Variants in KRT86 observed in about 807,000 individuals in gnomAD.
The protein encoded by KRT86 is keratin 86.
A neutral mutation model predicts 41.2 loss-of-function variants in KRT86; 30 were observed. The ratio of observed to expected loss-of-function variants is 0.73; its 90% CI spans 0.54 to 0.99. KRT86 has a LOEUF of 0.99. KRT86 is among the 50% of genes least tolerant of loss of function. KRT86 has a pLI of 0.00. For missense variants in KRT86, 561 were observed against 571.4 expected, an observed-to-expected ratio of 0.98 and a Z score of 0.19; for synonymous variants, 238 against 238.1, an observed-to-expected ratio of 1.00 and a Z score of 0.00.
Position 52,301,987 on chromosome 12 carries a change from G to A in KRT86, c.71G>A (p.Arg24His), listed in dbSNP as rs1313116276. The part of the protein sequence containing the change: ...CISACGPRPG[R>H]CCITAAPYRG... ...TCGGCCTGCGGGCCCCGGCCCGGCC[G>A]CTGCTGCATCACCGCCGCCCCCTAC... Residue 24 changes from arginine (R) to histidine (H), a missense_variant, in exon 3 of 11, where the codon CGC becomes CAC. By Grantham distance (29) the Arg-to-His change is conservative (BLOSUM62 0). Around this residue, in one of 3 missense-constraint regions of KRT86, gnomAD observed 164 missense variants for 172.5 expected, o/e 0.95. Coordinates refer to ENST00000423955, the MANE Select transcript of KRT86 (RefSeq NM_001320198.2). 4 of 1,612,996 alleles carry A rather than the reference G, an allele frequency of 2.5e-6. No individual in the cohort carries two copies. The highest frequency in any genetic ancestry group is 3.3e-5 in the Admixed American group (2 of 59,960).
At chr12:52,301,741 T>G (rs1555187472) in intron 2 of KRT86, 172 bp from the exon 3 acceptor site, 1 of 1,308,166 alleles carries the variant, frequency 7.6e-7, no homozygotes, top group Non-Finnish European at 1.1e-6. Flanking sequence ...CGACAGCAGC[T>G]AAACAACCCA....
At chr12:52,291,615 C>T (rs1300253911) in intron 2 of KRT86, 4 of 1,269,220 alleles carry the variant, frequency 3.2e-6, no homozygotes, top group South Asian at 1.4e-5. Flanking sequence ...GGGCAATTTG[C>T]GCTTTATGGG....
At chr12:52,291,441 C>T (rs1324822863) in intron 2 of KRT86, 27 of 1,612,646 alleles carry the variant, frequency 1.7e-5, no homozygotes, top group Non-Finnish European at 2.2e-5. Context: ...AAGGCGCGCC[C>T]ACCAAATCCT....
intron 2 of KRT86, among the ~76,000 whole-genome samples, chr12:52,288,822 T>TC (rs1163209516): frequency 5.9e-5 from 9 of 151,794 alleles, no homozygotes; most frequent in South Asian, 2.1e-4. Context: ...TTCTTCTCCA[T>TC]CCCCCCTTAG....
rs199724105 is a variant in KRT86, at chr12:52,305,366, C to T, written c.862C>T (p.Arg288Cys). 237 of 1,614,112 alleles carry T rather than the reference C, an allele frequency of 1.5e-4. No homozygotes were observed. The highest frequency in any genetic ancestry group is 1.7e-4 in the Non-Finnish European group (204 of 1,180,050). Residue 288 changes from arginine (R) to cysteine (C), a missense_variant, in exon 7 of 11, where the codon CGT becomes TGT. Transcript: ENST00000423955. ...GGCACAGTACGATGACATTGTCACC[C>T]GTAGCCGGGCTGAGGCCGAGTCCTG... ...IKAQYDDIVT[R>C]SRAEAESWYR...
intron 2 of KRT86, among the ~76,000 whole-genome samples, chr12:52,276,780 C>A (rs1404956960): frequency 6.6e-6 from 1 of 152,178 alleles, no homozygotes; most frequent in Non-Finnish European, 1.5e-5. Flanking sequence ...TCTCTCTTAG[C>A]CTCCTCTCTT....
At chr12:52,307,047 C>A (rs1938535195) in intron 9 of KRT86, 1 of 151,450 alleles carries the variant, frequency 6.6e-6, no homozygotes, top group African/African-American at 2.4e-5. Flanking sequence ...CTCGAAGCTC[C>A]TTTTTTTTTG....
At position 52,283,425 on chromosome 12, in the gene KRT86, G is replaced by T. The variant is rs567433349; in HGVS notation, c.-5+7479G>T. Among the ~76,000 whole-genome samples the T allele has an allele frequency of 3.3e-3, 370 of 112,146 alleles. 3 individuals carry two copies. Among genetic ancestry groups the T allele is most frequent in the African/African-American group, 0.012 (358 of 29,902 alleles). 73.6% of individuals were successfully genotyped at this position (112,146 alleles called of 152,430 possible). A position where few individuals can be genotyped will look rare whatever the true frequency, so the allele number is the denominator to read the frequency against. Reference sequence around the variant, plus strand: ...AAAAAAAAAAAAAAAAAGAATAATAGAGCTTTAAATTGGTAAGGGATGTTA... The same window carrying T: ...AAAAAAAAAAAAAAAAAGAATAATATAGCTTTAAATTGGTAAGGGATGTTA... On this transcript the variant is annotated intron_variant, in intron 2 of 10. Coordinates refer to ENST00000423955, the MANE Select transcript of KRT86 (RefSeq NM_001320198.2).
Position 52,302,286 on chromosome 12 carries a change from G to A in KRT86, c.369+1G>A. 1.5e-6 allele frequency: 1 copy of A among 680,444 alleles called. No individual in the cohort carries two copies. Among genetic ancestry groups the A allele is most frequent in the Non-Finnish European group, 2.2e-6 (1 of 450,876 alleles). 42.2% of individuals were successfully genotyped at this position (680,444 alleles called of 1,614,324 possible). Reference sequence around the variant, plus strand: ...CAGGTTCGCGGCCTTCATCGACAAGGTGGGTGTCCTGGATCACACCCTTCC... The same window carrying A: ...CAGGTTCGCGGCCTTCATCGACAAGATGGGTGTCCTGGATCACACCCTTCC... On this transcript the variant is annotated splice_donor_variant, in intron 3 of 10. Transcript: ENST00000423955. LOFTEE classifies it high-confidence loss of function.
chr12:52,291,397 G>T (rs1210928933), intron 2 of KRT86: 1 of 1,609,164 alleles, frequency 6.2e-7, no homozygotes, highest in Non-Finnish European at 8.5e-7. Context: ...TGCAGCAGCG[G>T]CCGGGCCGCG....
chr12:52,287,098 C>T (rs2121233341), intron 2 of KRT86: 4 of 1,612,846 alleles, frequency 2.5e-6, no homozygotes, highest in Non-Finnish European at 3.4e-6. Context: ...TTGGTTGGAC[C>T]CACCTCTGCT....
At chr12:52,292,415 T>C (rs1045569034) in intron 2 of KRT86, among the ~76,000 whole-genome samples, 1 of 152,250 alleles carries the variant, frequency 6.6e-6, no homozygotes, top group Non-Finnish European at 1.5e-5. Context: ...ATTTTAAAAC[T>C]ACATTTTACA....
rs752778941 is a variant in KRT86 at position 52,308,616 on chromosome 12, C to T, written c.*31C>T. ...TGCCGCCTCCGCCAGCGCCTGTCGC[C>T]GTCACTCTCCACCCAGCCAGTACCT... On this transcript the variant is annotated 3_prime_UTR_variant, in exon 11 of 11. Transcript: ENST00000423955. The T allele has an allele frequency of 1.3e-6, 2 of 1,586,150 alleles. No individual in the cohort carries two copies. The highest frequency in any genetic ancestry group is 2.7e-5 in the African/African-American group (2 of 74,746).
chr12:52,301,173 G>T (rs1938364427), intron 2 of KRT86, among the ~76,000 whole-genome samples: 1 of 151,830 alleles, frequency 6.6e-6, no homozygotes, highest in African/African-American at 2.4e-5. Context: ...GAGAGGGGGG[G>T]TTGTGAGTAG....
intron 2 of KRT86, among the ~76,000 whole-genome samples, chr12:52,298,915 A>G (rs1334561322): frequency 6.6e-6 from 1 of 151,994 alleles, no homozygotes; most frequent in Non-Finnish European, 1.5e-5. Flanking sequence ...GAGTACTTGG[A>G]ATATCCATCA....
intron 5 of KRT86, among the ~76,000 whole-genome samples, chr12:52,304,538 G>A (rs1938455768): frequency 6.6e-6 from 1 of 151,774 alleles, no homozygotes; most frequent in Non-Finnish European, 1.5e-5. Flanking sequence ...TTGAGGCAGA[G>A]ACACAATCCC....
rs1938577430 is a variant in KRT86, at chr12:52,308,724, T to C, written c.*139T>C. 7.6e-6 allele frequency: 6 copies of C among 784,758 alleles called. No homozygotes were observed. In the South Asian group the frequency reaches 1.0e-4, roughly 14 times the overall value. The allele number at this position is 784,758 out of a possible 1,614,324, so 48.6% of individuals were successfully genotyped here. A position where few individuals can be genotyped will look rare whatever the true frequency, so the allele number is the denominator to read the frequency against. ...GCACTCTAAGCGCCCTCCCCACCGC[T>C]CCGCTCCGGGAGCCATCCCCGGTCG... On this transcript the variant is annotated 3_prime_UTR_variant, in exon 11 of 11. Coordinates refer to ENST00000423955, the MANE Select transcript of KRT86 (RefSeq NM_001320198.2).
Position 52,302,081 on chromosome 12 carries a change from G to C in KRT86, c.165G>C (p.Arg55=), listed in dbSNP as rs1049796538. The change falls in exon 3 of 11, where the codon CGG becomes CGC. Residue 55 remains arginine, a synonymous_variant. Transcript: ENST00000423955. The stretch of plus-strand genomic sequence containing the variant: ...GCCACAGCGTGTGCGGAGGCTTTCG[G>C]GCCGGCTCCTGCGGACGCAGCTTCG... ...FGSHSVCGGF[R]AGSCGRSFGY... 1.9e-6 allele frequency: 3 copies of C among 1,593,370 alleles called. No homozygotes were observed. The highest frequency in any genetic ancestry group is 1.4e-5 in the African/African-American group (1 of 73,744).
In KRT86 at chr12:52,306,316, C is replaced by A. The variant is rs11612715; in HGVS notation, c.1247+36C>A. On this transcript the variant is annotated intron_variant, in intron 9 of 10. Coordinates refer to ENST00000423955, the MANE Select transcript of KRT86 (RefSeq NM_001320198.2). ...TAGACCTTTCCCTTTCCCAGCCCTG[C>A]CAGGGTTCTCAGTGTGCTCTGTCCT... 0.49 allele frequency: 795,958 copies of A among 1,612,426 alleles called. 200,593 individuals are homozygous for A. Among genetic ancestry groups the A allele is most frequent in the African/African-American group, 0.65 (48,939 of 74,920 alleles).
Sources: allele counts gnomAD v4.1 joint callset (sites outside exome capture counted in the v4.1 genomes callset), GRCh38; gene constraint gnomAD v4.1.1; regional missense constraint gnomAD v4.1.1; transcripts MANE v1.5; gene names NCBI Gene and HGNC (gene_info 2026-07-23, HGNC 2026-07-21).